Variants in PIGN observed in about 807,000 individuals in gnomAD.
The protein encoded by PIGN is phosphatidylinositol glycan anchor biosynthesis class N.
Under a neutral mutation model 125.4 loss-of-function variants are expected in PIGN, and 117 were observed. The observed-to-expected ratio is 0.93, with a 90% CI of 0.80 to 1.09. PIGN has a LOEUF of 1.09. Ranked by LOEUF, PIGN falls within the 50% of genes least tolerant of loss-of-function variation. The pLI is 0.00. For synonymous variants in PIGN, 392 were observed against 377.8 expected, an observed-to-expected ratio of 1.04 and a Z score of -0.44; for missense variants, 1,075 against 1,094.9, an observed-to-expected ratio of 0.98 and a Z score of 0.26.
intron 25 of PIGN, among the ~76,000 whole-genome samples, chr18:62,086,081 G>C (rs1346537764): frequency 1.3e-5 from 2 of 152,194 alleles, no homozygotes; most frequent in African/African-American, 4.8e-5. Context: ...TTGTCTAGTA[G>C]ATGTCAGAGA....
At chr18:62,085,378 C>T in intron 25 of PIGN, 114 bp from the exon 26 acceptor site, 1 of 719,542 alleles carries the variant, frequency 1.4e-6, no homozygotes, top group Non-Finnish European at 2.4e-6. Flanking sequence ...TTACTTGTAC[C>T]ATGAATTGTT....
At chr18:62,085,336 T>C (rs536664372) in intron 25 of PIGN, 72 bp from the exon 26 acceptor site, 6 of 1,010,412 alleles carry the variant, frequency 5.9e-6, no homozygotes, top group East Asian at 5.2e-5. Flanking sequence ...AGAAAAGATA[T>C]GCTAATTTTA....
chr18:62,128,761 G>C (rs927731751), intron 14 of PIGN, among the ~76,000 whole-genome samples: 3 of 152,016 alleles, frequency 2.0e-5, no homozygotes, highest in African/African-American at 4.8e-5. Flanking sequence ...ATTATTTCTA[G>C]AGGGCTATAA....
At chr18:62,028,717 TC>T (rs997392123) in intron 23 of PIGN, among the ~76,000 whole-genome samples, 12 of 152,352 alleles carry the variant, frequency 7.9e-5, no homozygotes, top group Admixed American at 7.2e-4. Context: ...ATGGCATTGT[TC>T]CTTTGATAGC....
rs924929313 is a variant in PIGN at position 62,042,313 on chromosome 18, T to A, written c.*3543A>T. ...TCCAGCCTTGGCGAGAGAGCCAGAG[T>A]CTGTCTTGAAAAAAAAAGAAAGAAA... On this transcript the variant is annotated 3_prime_UTR_variant, in exon 31 of 31. Coordinates refer to ENST00000640252, the MANE Select transcript of PIGN (RefSeq NM_176787.5). 6.6e-6 allele frequency: 1 copy of A among 151,794 alleles called. No homozygotes were observed. Among genetic ancestry groups the A allele is most frequent in the African/African-American group, 2.4e-5 (1 of 41,298 alleles). 9.4% of individuals were successfully genotyped at this position (151,794 alleles called of 1,614,324 possible). A position where few individuals can be genotyped will look rare whatever the true frequency, so the allele number is the denominator to read the frequency against.
chr18:62,133,013 G>A lies in PIGN; in HGVS notation c.1172+5230C>T, dbSNP rs79859172. Among the ~76,000 whole-genome samples the A allele has an allele frequency of 4.7e-3, 721 of 152,270 alleles. 8 individuals carry two copies. The highest frequency in any genetic ancestry group is 0.017 in the African/African-American group (689 of 41,542). ...CTAACATGGAAGTGATATGCATTCAGTAGAAAGCATACTTTGAGTACCCAC... is the reference window on the plus strand; with the variant it reads ...CTAACATGGAAGTGATATGCATTCAATAGAAAGCATACTTTGAGTACCCAC... On this transcript the variant is annotated intron_variant, in intron 14 of 30. Coordinates refer to ENST00000640252, the MANE Select transcript of PIGN (RefSeq NM_176787.5).
intron 7 of PIGN, among the ~76,000 whole-genome samples, chr18:62,152,245 A>C (rs1169600721): frequency 6.6e-6 from 1 of 151,946 alleles, no homozygotes; most frequent in Non-Finnish European, 1.5e-5. Flanking sequence ...TTGCAGAGGA[A>C]CCCTTCAGAT....
rs1182999500 is a variant in PIGN at position 62,092,636 on chromosome 18, T to C, written c.2181-2058A>G. ...AGAAAAAAAGATCCAAAATAGAACATGTACTGTGATTAATTCTATGTTAAA... is the reference window on the plus strand; with the variant it reads ...AGAAAAAAAGATCCAAAATAGAACACGTACTGTGATTAATTCTATGTTAAA... On this transcript the variant is annotated intron_variant, in intron 23 of 30. Transcript: ENST00000640252. 3.3e-5 allele frequency among the ~76,000 whole-genome samples: 5 copies of C among 152,080 alleles called. No individual in the cohort carries two copies. In the Middle Eastern group the frequency reaches 0.014, roughly 414 times the overall value.
rs1195512133 is a variant in PIGN at position 62,045,972 on chromosome 18, G to C, written c.2680C>G (p.His894Asp). ...SWLDIGTSIS[H>D]YVIVMSMTIF... is the part of the protein sequence containing the mutation. ...GTCATGGACATGACAATCACATAGT[G>C]GCTGATGCTGCAAAAGGAGAAAAAG... Residue 894 changes from histidine (H) to aspartate (D), a missense_variant, in exon 31 of 31, where the codon CAC becomes GAC. His to Asp is a moderately conservative substitution (Grantham distance 81, BLOSUM62 -1). This residue lies in a region of PIGN where 915 missense variants were observed against 908.7 expected (regional missense o/e 1.01). Transcript: ENST00000640252. 5.0e-6 allele frequency: 8 copies of C among 1,612,436 alleles called. No homozygotes were observed. Among genetic ancestry groups the C allele is most frequent in the Non-Finnish European group, 6.8e-6 (8 of 1,179,130 alleles).
At chr18:62,062,882 CTTTTTTTTTTTTTTTTTTTT>C (rs71160811) in intron 30 of PIGN, among the ~76,000 whole-genome samples, 4 of 21,076 alleles carry the variant, frequency 1.9e-4, no homozygotes, top group Non-Finnish European at 3.2e-4. Context: ...TTGTATTCTG[CTTTTTTTTTTTTTTTTTTTT>C]TTTTTTTTTT....
chr18:62,169,955 T>C (rs2037293185), intron 1 of PIGN, among the ~76,000 whole-genome samples: 1 of 152,188 alleles, frequency 6.6e-6, no homozygotes, highest in South Asian at 2.1e-4. Context: ...GACAAACTAG[T>C]TGTTTTCCAA....
At chr18:62,036,205 G>T (rs974901), downstream of PIGN, among the ~76,000 whole-genome samples, 52,209 of 151,766 alleles carry the variant, frequency 0.34, 9,951 homozygotes, top group East Asian at 0.7. Context: ...AAGGGAAGAT[G>T]AGTTTTTTTT....
chr18:62,181,218 A>G (rs951551295), intron 1 of PIGN, among the ~76,000 whole-genome samples: 4 of 152,218 alleles, frequency 2.6e-5, no homozygotes, highest in Admixed American at 6.5e-5. Context: ...ACCATAGGGA[A>G]CAGATAAATT....
Position 62,140,440 on chromosome 18 carries a change from G to A in PIGN, c.1003C>T (p.Pro335Ser). 2 of 1,542,168 alleles carry A rather than the reference G, an allele frequency of 1.3e-6. No homozygotes were observed. Among genetic ancestry groups the A allele is most frequent in the South Asian group, 1.2e-5 (1 of 84,054 alleles). ...APLMTSLIGV[P>S]FPLNSVGILP... ...CTTACCACTGAGTTAAGAGGAAAGG[G>A]AACTCCAATAAGGGAAGTCATCAAT... Residue 335 changes from proline to serine, a missense_variant, in exon 12 of 31, where the codon CCC becomes TCC. Pro to Ser is a moderately conservative substitution (Grantham distance 74, BLOSUM62 -1). Around this residue, in one of 3 missense-constraint regions of PIGN, gnomAD observed 915 missense variants for 908.7 expected, o/e 1.01. Transcript: ENST00000640252.
intron 14 of PIGN, among the ~76,000 whole-genome samples, chr18:62,134,791 G>A (rs904265989): frequency 6.6e-6 from 1 of 152,178 alleles, no homozygotes; most frequent in Non-Finnish European, 1.5e-5. Context: ...CCTAGCAACT[G>A]TTCAAAATCA....
chr18:62,123,689 T>C (rs1192176511), intron 14 of PIGN: 1 of 152,192 alleles, frequency 6.6e-6, no homozygotes, highest in African/African-American at 2.4e-5. Context: ...TATGGTATTA[T>C]CCACATCTAT....
rs369017901 is a variant in PIGN, at chr18:62,056,108, A to C, written c.2673-10129T>G. On this transcript the variant is annotated intron_variant, in intron 30 of 30. Transcript: ENST00000640252. ...ATTACTTTTGCACCAACCTAATAAG[A>C]TCAGACTCTCCCAAAATAGAATAAG... Among the ~76,000 whole-genome samples the C allele has an allele frequency of 2.1e-4, 31 of 148,912 alleles. No individual in the cohort carries two copies. In the East Asian group the frequency reaches 6.1e-3, roughly 29 times the overall value.
rs200199765 is a variant in PIGN, at chr18:62,161,173, C to T, written c.181G>A (p.Glu61Lys). 1.4e-5 allele frequency: 22 copies of T among 1,613,410 alleles called. No homozygotes were observed. Among genetic ancestry groups the T allele is most frequent in the Non-Finnish European group, 1.8e-5 (21 of 1,179,572 alleles). The change falls in exon 4 of 31, where the codon GAA becomes AAA. Residue 61 changes from glutamate (E) to lysine (K), a missense_variant. By Grantham distance (56) the Glu-to-Lys change is moderately conservative. Coordinates refer to ENST00000640252, the MANE Select transcript of PIGN (RefSeq NM_176787.5). ...CTAGAGTTTCCATTTTCATCTAATTCGTAAAGTGCATCTGCTCGAAGGCCA... is the reference window on the plus strand; with the variant it reads ...CTAGAGTTTCCATTTTCATCTAATTTGTAAAGTGCATCTGCTCGAAGGCCA... The part of the protein sequence containing the change: ...ADGLRADALY[E>K]LDENGNSRAP...
chr18:62,106,848 C>A lies in PIGN; in HGVS notation c.1708G>T (p.Ala570Ser), dbSNP rs527249979. Reference protein sequence around the residue: ...LSFFYRYMLTAGLTAFAAWPF... With the variant: ...LSFFYRYMLTSGLTAFAAWPF... ...CAAGCTGCAAAGGCAGTAAGTCCAGCGGTAAGCATATAGCGGTAGAAAAAA... is the reference window on the plus strand; with the variant it reads ...CAAGCTGCAAAGGCAGTAAGTCCAGAGGTAAGCATATAGCGGTAGAAAAAA... The change falls in exon 19 of 31, where the codon GCT (alanine) becomes TCT (serine). Residue 570 changes from alanine to serine, a missense_variant. This residue lies in a region of PIGN where 915 missense variants were observed against 908.7 expected (regional missense o/e 1.01). Coordinates refer to ENST00000640252, the MANE Select transcript of PIGN (RefSeq NM_176787.5). 1.2e-6 allele frequency: 2 copies of A among 1,609,256 alleles called. No homozygotes were observed. The highest frequency in any genetic ancestry group is 4.5e-5 in the East Asian group (2 of 44,646).
Sources: allele counts gnomAD v4.1 joint callset (sites outside exome capture counted in the v4.1 genomes callset), GRCh38; gene constraint gnomAD v4.1.1; regional missense constraint gnomAD v4.1.1; transcripts MANE v1.5; gene names NCBI Gene and HGNC (gene_info 2026-07-23, HGNC 2026-07-21).